Variants in RBPJ observed in about 807,000 individuals in gnomAD.
RBPJ encodes the protein recombination signal binding protein for immunoglobulin kappa J region.
RBPJ carries 9 observed loss-of-function variants against 67.8 expected under a neutral mutation model. That is an observed-to-expected ratio of 0.13 (90% CI 0.08 to 0.23). The LOEUF is 0.23. Among genes scored for constraint, RBPJ ranks in the 10% least tolerant of loss-of-function variants. RBPJ has a pLI of 1.00. For synonymous variants in RBPJ, 198 were observed against 203.3 expected, an observed-to-expected ratio of 0.97 and a Z score of 0.22; for missense variants, 305 against 595.6, an observed-to-expected ratio of 0.51 and a Z score of 5.08.
intron 1 of RBPJ, among the ~76,000 whole-genome samples, chr4:26,183,237 C>G (rs1717084157): frequency 6.6e-6 from 1 of 152,190 alleles, no homozygotes; most frequent in African/African-American, 2.4e-5. Context: ...ATGTGAGTAA[C>G]ACACTGGGCT....
At chr4:26,244,254 TACACA>T (rs1719775961) in intron 1 of RBPJ, among the ~76,000 whole-genome samples, 3 of 119,570 alleles carry the variant, frequency 2.5e-5, no homozygotes, top group African/African-American at 1.1e-4. Context: ...TGTGTACACA[TACACA>T]TATGTGTACA....
At chr4:26,203,181 T>C in intron 1 of RBPJ, among the ~76,000 whole-genome samples, 1 of 152,222 alleles carries the variant, frequency 6.6e-6, no homozygotes, top group Non-Finnish European at 1.5e-5. Context: ...GCCAGAATGA[T>C]CATTTTAAAT....
intron 1 of RBPJ, chr4:26,272,578 A>G (rs2109265815): frequency 4.9e-6 from 2 of 406,250 alleles, no homozygotes; most frequent in South Asian, 1.9e-5. Context: ...CTATCTCTAC[A>G]ATAAATAAAA....
intron 1 of RBPJ, among the ~76,000 whole-genome samples, chr4:26,332,366 T>C (rs2109359728): frequency 6.6e-6 from 1 of 152,294 alleles, no homozygotes; most frequent in East Asian, 1.9e-4. Flanking sequence ...TAAACAGCAG[T>C]TTCTTAGGTA....
chr4:26,185,384 T>C (rs1717205071), intron 1 of RBPJ, among the ~76,000 whole-genome samples: 1 of 152,252 alleles, frequency 6.6e-6, no homozygotes, highest in African/African-American at 2.4e-5. Context: ...AAATGGTTTC[T>C]CTCCTCAACA....
intron 2 of RBPJ, among the ~76,000 whole-genome samples, chr4:26,388,364 T>A (rs570466360): frequency 5.3e-5 from 8 of 152,336 alleles, no homozygotes; most frequent in African/African-American, 1.7e-4. Context: ...TGGGAAACTT[T>A]AAAGAGTCAG....
chr4:26,224,087 A>G (rs1719003743), intron 1 of RBPJ, among the ~76,000 whole-genome samples: 1 of 152,206 alleles, frequency 6.6e-6, no homozygotes, highest in Non-Finnish European at 1.5e-5. Context: ...TGATATTATT[A>G]GTATTGATAT....
downstream of RBPJ, chr4:26,434,933 C>T (rs181306638): frequency 1.5e-4 from 23 of 152,278 alleles, no homozygotes; most frequent in African/African-American, 4.8e-4. Context: ...AGTCTTCTGT[C>T]GAATGTGCCT....
rs11393982 is a variant in RBPJ, at chr4:26,360,595, C to CTTT, written c.21-25744_21-25742dup. On this transcript the variant is annotated intron_variant, in intron 1 of 10. Transcript: ENST00000355476. ...TGTTTTCTAGACAGTTTCATAGGTG[C>CTTT]TTTTTTTTTTTTTTTTGAGACAGAG... Among the ~76,000 whole-genome samples the CTTT allele has an allele frequency of 1.8e-3, 237 of 133,700 alleles. 3 individuals carry two copies. The highest frequency in any genetic ancestry group is 6.3e-3 in the African/African-American group (225 of 35,696). The allele number at this position is 133,700 out of a possible 152,430, so 87.7% of individuals were successfully genotyped here. A position where few individuals can be genotyped will look rare whatever the true frequency, so the allele number is the denominator to read the frequency against.
At chr4:26,327,550 T>G (rs1045264578) in intron 1 of RBPJ, among the ~76,000 whole-genome samples, 2 of 148,942 alleles carry the variant, frequency 1.3e-5, no homozygotes, top group African/African-American at 4.9e-5. Context: ...AGGTTTTTTT[T>G]TTTTTTTTTT....
intron 1 of RBPJ, among the ~76,000 whole-genome samples, chr4:26,324,649 C>T (rs1161824081): frequency 6.6e-6 from 1 of 152,142 alleles, no homozygotes; most frequent in Admixed American, 6.5e-5. Context: ...CGTGCCTTAG[C>T]CTCCTGAGTA....
At chr4:26,410,922 A>G (rs1318220794) in intron 3 of RBPJ, among the ~76,000 whole-genome samples, 1 of 152,226 alleles carries the variant, frequency 6.6e-6, no homozygotes, top group African/African-American at 2.4e-5. Flanking sequence ...TGTTTGTTAT[A>G]GTTGATAGAG....
chr4:26,175,241 G>A (rs1366527904), intron 1 of RBPJ, among the ~76,000 whole-genome samples: 1 of 152,188 alleles, frequency 6.6e-6, no homozygotes, highest in Non-Finnish European at 1.5e-5. Context: ...CTCCCCGCCT[G>A]GAATTCGGAT....
At chr4:26,279,016 C>G (rs1721171165) in intron 1 of RBPJ, among the ~76,000 whole-genome samples, 1 of 152,142 alleles carries the variant, frequency 6.6e-6, no homozygotes, top group African/African-American at 2.4e-5. Flanking sequence ...TTCCTCCTTT[C>G]TAAAGTGGAG....
At chr4:26,185,826 G>A (rs1328637319) in intron 1 of RBPJ, among the ~76,000 whole-genome samples, 5 of 152,294 alleles carry the variant, frequency 3.3e-5, no homozygotes, top group African/African-American at 1.2e-4. Flanking sequence ...TTGGAAGGCC[G>A]AGGCCGGTGG....
At chr4:26,345,109 A>G (rs1725998300) in intron 1 of RBPJ, among the ~76,000 whole-genome samples, 1 of 152,194 alleles carries the variant, frequency 6.6e-6, no homozygotes. Flanking sequence ...AAAAATAACC[A>G]TTTTTGTGAA....
upstream of RBPJ, among the ~76,000 whole-genome samples, chr4:26,319,014 A>G (rs1344068904): frequency 7.4e-6 from 1 of 135,734 alleles, no homozygotes; most frequent in African/African-American, 3.2e-5. Flanking sequence ...AAAAAAAAAA[A>G]AAAAAAAGAA....
At chr4:26,411,815 T>C (rs1734044230) in intron 3 of RBPJ, among the ~76,000 whole-genome samples, 1 of 152,020 alleles carries the variant, frequency 6.6e-6, no homozygotes, top group Non-Finnish European at 1.5e-5. Context: ...AATTAAGAAG[T>C]ACCATTTATG....
intron 1 of RBPJ, among the ~76,000 whole-genome samples, chr4:26,245,455 C>T: frequency 6.6e-6 from 1 of 152,120 alleles, no homozygotes; most frequent in Middle Eastern, 3.2e-3. Context: ...GGTCCACCTG[C>T]CTCAGACTCC....
Sources: gnomAD v4.1 joint callset for allele counts (sites outside exome capture counted in the v4.1 genomes callset) on GRCh38, gnomAD v4.1.1 for gene constraint, MANE v1.5 for transcripts, NCBI Gene and HGNC (gene_info 2026-07-23, HGNC 2026-07-21) for gene names.